Variants in RAD51D observed in about 807,000 individuals in gnomAD.
RAD51D encodes RAD51 paralog D, also known as DNA repair protein RAD51 homolog 4.
Under a neutral mutation model 44.1 loss-of-function variants are expected in RAD51D, and 38 were observed. The observed-to-expected ratio is 0.86, with a 90% confidence interval of 0.67 to 1.13. The LOEUF (loss-of-function observed/expected upper bound fraction) is 1.13. Among genes scored for constraint, RAD51D ranks in the 50% most tolerant of loss-of-function variants. RAD51D has a pLI of 0.00. For synonymous variants in RAD51D, 141 were observed against 166.6 expected (o/e 0.85, Z 1.18); for missense variants, 390 against 414.0 (o/e 0.94, Z 0.50).
At position 35,094,877 on chromosome 17, in the gene RAD51D, C is replaced by T. The variant is rs1424016853; in HGVS notation, c.*6076G>A. 1 of 148,502 alleles carries T rather than the reference C, an allele frequency of 6.7e-6. No individual in the cohort carries two copies. The highest frequency in any genetic ancestry group is 1.5e-5 in the Non-Finnish European group (1 of 68,040). 9.2% of individuals were successfully genotyped at this position (148,502 alleles called of 1,614,324 possible). A position where few individuals can be genotyped will look rare whatever the true frequency, so the allele number is the denominator to read the frequency against. On this transcript the variant is annotated 3_prime_UTR_variant, in exon 10 of 10. Transcript: ENST00000345365. ...GGATACATAATAGAGCCTTGATTAA[C>T]TCGTCTTTGGTACTACCGTAAGTAC...
intron 3 of RAD51D, among the ~76,000 whole-genome samples, chr17:35,112,405 T>C (rs1262366730): frequency 6.6e-6 from 1 of 151,984 alleles, no homozygotes; most frequent in Non-Finnish European, 1.5e-5. Context: ...TTTGAGACAG[T>C]TTCACTCTGT....
intron 3 of RAD51D, among the ~76,000 whole-genome samples, chr17:35,108,790 AT>A (rs2091641056): frequency 1.3e-5 from 2 of 151,594 alleles, no homozygotes; most frequent in South Asian, 4.2e-4. Flanking sequence ...ACTAATCTCT[AT>A]TATGTTATTT....
rs1052873974 is a variant in RAD51D at position 35,097,461 on chromosome 17, A to G, written c.*3492T>C. The stretch of plus-strand genomic sequence containing the variant: ...TGTGTATATATATGTGTGTATATAT[A>G]TATATGTGTGTATATATATGTATAT... On this transcript the variant is annotated 3_prime_UTR_variant, in exon 10 of 10. Transcript: ENST00000345365. 33 of 149,514 alleles carry G rather than the reference A, an allele frequency of 2.2e-4. 1 individual carries two copies. The highest frequency in any genetic ancestry group is 8.2e-4 in the African/African-American group (33 of 40,392). The allele number at this position is 149,514 out of a possible 1,614,324, so 9.3% of individuals were successfully genotyped here. A position where few individuals can be genotyped will look rare whatever the true frequency, so the allele number is the denominator to read the frequency against.
rs2091475177 is a variant in RAD51D, at chr17:35,094,466, A to T, written c.*6487T>A. The T allele has an allele frequency of 6.6e-6, 1 of 152,178 alleles. No homozygotes were observed. The highest frequency in any genetic ancestry group is 1.5e-5 in the Non-Finnish European group (1 of 68,040). 9.4% of individuals were successfully genotyped at this position (152,178 alleles called of 1,614,324 possible). A position where few individuals can be genotyped will look rare whatever the true frequency, so the allele number is the denominator to read the frequency against. On this transcript the variant is annotated 3_prime_UTR_variant, in exon 10 of 10. Coordinates refer to ENST00000345365, the MANE Select transcript of RAD51D (RefSeq NM_002878.4). Reference sequence around the variant, plus strand: ...CCTCCAGTTCTCTTTAATACTAATGATATCTGCCTTCTCCAAGTTTTTGTC... The same window carrying T: ...CCTCCAGTTCTCTTTAATACTAATGTTATCTGCCTTCTCCAAGTTTTTGTC...
At chr17:35,101,425 C>T (rs1262019152) in intron 8 of RAD51D, 60 bp from the exon 9 acceptor site, 20 of 1,555,968 alleles carry the variant, frequency 1.3e-5, no homozygotes, top group East Asian at 6.7e-5. Flanking sequence ...CGATTACTAC[C>T]GCTTCATTTT....
chr17:35,119,263 C>T (rs921451713), intron 1 of RAD51D, 91 bp from the exon 2 acceptor site: 1 of 1,246,062 alleles, frequency 8.0e-7, no homozygotes, highest in Non-Finnish European at 1.2e-6. Context: ...GGTGTCAATT[C>T]TACCCCCCGG....
chr17:35,096,963 AATTCAAATGCCTG>A lies in RAD51D; in HGVS notation c.*3977_*3989del, dbSNP rs2091489724. 6.6e-6 allele frequency: 1 copy of A among 152,138 alleles called. No homozygotes were observed. Among genetic ancestry groups the A allele is most frequent in the African/African-American group, 2.4e-5 (1 of 41,422 alleles). 9.4% of individuals were successfully genotyped at this position (152,138 alleles called of 1,614,324 possible). On this transcript the variant is annotated 3_prime_UTR_variant, in exon 10 of 10. Coordinates refer to ENST00000345365, the MANE Select transcript of RAD51D (RefSeq NM_002878.4). Reference sequence around the variant, plus strand: ...ATGGACCTTTGCCTGAGTCCTTGGGAATTCAAATGCCTGATTTTTAATTAAGGCCATCAAGTGC... The same window carrying A: ...ATGGACCTTTGCCTGAGTCCTTGGGAATTTTTAATTAAGGCCATCAAGTGC...
In RAD51D at chr17:35,100,053, C is replaced by G. The variant is rs764072863; in HGVS notation, c.*900G>C. 7 of 532,768 alleles carry G rather than the reference C, an allele frequency of 1.3e-5. No homozygotes were observed. The East Asian group carries it at 1.6e-4, about 12-fold the overall frequency. The allele number at this position is 532,768 out of a possible 1,614,324, so 33.0% of individuals were successfully genotyped here. On this transcript the variant is annotated 3_prime_UTR_variant, in exon 10 of 10. Coordinates refer to ENST00000345365, the MANE Select transcript of RAD51D (RefSeq NM_002878.4). ...TCAGCATCAATTTTCCCAGCTGGCT[C>G]TATTTACTGTGCAAATTCTCCTCTG...
chr17:35,105,403 G>A (rs964146484), intron 6 of RAD51D, among the ~76,000 whole-genome samples: 2 of 152,072 alleles, frequency 1.3e-5, no homozygotes, highest in African/African-American at 2.4e-5. Context: ...CAATCCTCCC[G>A]TCTCAGCCTC....
At chr17:35,102,017 T>C (rs1423294268) in intron 8 of RAD51D, among the ~76,000 whole-genome samples, 5 of 152,194 alleles carry the variant, frequency 3.3e-5, no homozygotes, top group Non-Finnish European at 4.4e-5. Flanking sequence ...ACCACCGAAC[T>C]GTATACCTTA....
intron 3 of RAD51D, chr17:35,115,390 G>A (rs2091724653): frequency 2.2e-6 from 1 of 464,720 alleles, no homozygotes; most frequent in Non-Finnish European, 4.3e-6. Flanking sequence ...TTTTCCCAAA[G>A]TACGTTACAT....
rs2142436258 is a variant in RAD51D at position 35,107,354 on chromosome 17, C to G, written c.345+12G>C. On this transcript the variant is annotated intron_variant, in intron 4 of 9. Transcript: ENST00000345365. ...ACCCCTAAATCCTCCTGACTGCTGGCCTCACATGTACCTGAGTTTTGCCGC... is the reference window on the plus strand; with the variant it reads ...ACCCCTAAATCCTCCTGACTGCTGGGCTCACATGTACCTGAGTTTTGCCGC... The G allele has an allele frequency of 6.5e-7, 1 of 1,537,566 alleles. No individual in the cohort carries two copies. Among genetic ancestry groups the G allele is most frequent in the Non-Finnish European group, 9.0e-7 (1 of 1,110,500 alleles).
At position 35,119,849 on chromosome 17, in the gene RAD51D, G is replaced by C. The variant is rs1019749676; in HGVS notation, c.-236C>G. The C allele has an allele frequency of 1.5e-6, 1 of 661,984 alleles. No individual in the cohort carries two copies. Among genetic ancestry groups the C allele is most frequent in the Non-Finnish European group, 2.8e-6 (1 of 363,312 alleles). 41.0% of individuals were successfully genotyped at this position (661,984 alleles called of 1,614,324 possible). A position where few individuals can be genotyped will look rare whatever the true frequency, so the allele number is the denominator to read the frequency against. On this transcript the variant is annotated 5_prime_UTR_variant, in exon 1 of 10. Coordinates refer to ENST00000345365, the MANE Select transcript of RAD51D (RefSeq NM_002878.4). ...GAGCCCGCCCGCCGGGTCGCGCCGC[G>C]CTGCCGCTTCCGGGTTCCAGGCTGG...
chr17:35,109,744 C>G (rs1247297869), intron 3 of RAD51D, among the ~76,000 whole-genome samples: 2 of 151,760 alleles, frequency 1.3e-5, no homozygotes, highest in South Asian at 4.2e-4. Context: ...CTCGGCTCAC[C>G]ACAACCTCCA....
chr17:35,104,811 GTTCTTTTTCTTTTCTTCT>G (rs2091579838), intron 6 of RAD51D: 4 of 151,002 alleles, frequency 2.6e-5, no homozygotes, highest in Admixed American at 1.3e-4. Flanking sequence ...CCTGATTCTG[GTTCTTTTTCTTTTCTTCT>G]TTCTTTTTCT....
At chr17:35,116,973 C>T (rs2142468444) in intron 3 of RAD51D, 1 of 1,613,974 alleles carries the variant, frequency 6.2e-7, no homozygotes, top group South Asian at 1.1e-5. Context: ...ACTCCACGAT[C>T]TCCCTGCGGG....
At chr17:35,112,060 G>C (rs1438569603) in intron 3 of RAD51D, among the ~76,000 whole-genome samples, 1 of 152,164 alleles carries the variant, frequency 6.6e-6, no homozygotes, top group Non-Finnish European at 1.5e-5. Flanking sequence ...AAATGGCATT[G>C]TGTTTTTGTT....
At position 35,103,599 on chromosome 17, in the gene RAD51D, C is replaced by T. The variant is rs2091566199; in HGVS notation, c.577-55G>A. On this transcript the variant is annotated intron_variant, in intron 6 of 9. Coordinates refer to ENST00000345365, the MANE Select transcript of RAD51D (RefSeq NM_002878.4). The surrounding 1 kb of genome is among the most constrained non-coding windows in gnomAD (Gnocchi z 4.1). ...ACCTGTCAGCCTCTAGGACACATTACAGGACAAGCTTGCTTTTCTATCTAA... is the reference window on the plus strand; with the variant it reads ...ACCTGTCAGCCTCTAGGACACATTATAGGACAAGCTTGCTTTTCTATCTAA... 2.2e-6 allele frequency: 3 copies of T among 1,394,874 alleles called. No individual in the cohort carries two copies. The highest frequency in any genetic ancestry group is 1.4e-5 in the African/African-American group (1 of 70,476). The allele number at this position is 1,394,874 out of a possible 1,614,324, so 86.4% of individuals were successfully genotyped here.
At chr17:35,110,645 G>A (rs528306883) in intron 3 of RAD51D, among the ~76,000 whole-genome samples, 4 of 152,242 alleles carry the variant, frequency 2.6e-5, no homozygotes, top group East Asian at 1.9e-4. Flanking sequence ...TAGCTCCAGC[G>A]CCCTTTGTTC....
Sources: gnomAD v4.1 joint callset for allele counts (sites outside exome capture counted in the v4.1 genomes callset) on GRCh38, gnomAD v4.1.1 for gene constraint, Gnocchi (gnomAD v3.1) non-coding constraint, MANE v1.5 for transcripts, NCBI Gene and HGNC (gene_info 2026-07-23, HGNC 2026-07-21) for gene names.